R3HDM1: variants seen among roughly 807,000 people sequenced by gnomAD.
R3HDM1 encodes the protein R3H domain containing 1, also known as R3H domain-containing protein 1.
In R3HDM1, 46 loss-of-function variants were observed where a neutral mutation model predicts 141.1. The observed-to-expected ratio is 0.33, with a 90% CI of 0.26 to 0.42. The LOEUF (loss-of-function observed/expected upper bound fraction) is 0.42, where lower values mean the gene tolerates loss of function less well. Among genes scored for constraint, R3HDM1 ranks in the 10% least tolerant of loss-of-function variants. R3HDM1 has a pLI of 1.00. For synonymous variants in R3HDM1, 435 were observed against 472.9 expected (o/e 0.92, Z 1.04); for missense variants, 1,184 against 1,368.3 (o/e 0.87, Z 2.12).
At chr2:135,583,613 C>A in intron 1 of R3HDM1, 1 of 490,362 alleles carries the variant, frequency 2.0e-6, no homozygotes, top group Non-Finnish European at 2.6e-6. Flanking sequence ...TGATTTTCTA[C>A]TTCAAGAGAT....
intron 1 of R3HDM1, among the ~76,000 whole-genome samples, chr2:135,582,147 G>A (rs966178553): frequency 2.0e-5 from 3 of 152,100 alleles, no homozygotes; most frequent in South Asian, 2.1e-4. Flanking sequence ...GGCTAACATG[G>A]TGAAACCCCG....
chr2:135,563,594 C>A (rs1573844564), intron 1 of R3HDM1, among the ~76,000 whole-genome samples: 1 of 152,078 alleles, frequency 6.6e-6, no homozygotes, highest in East Asian at 1.9e-4. Flanking sequence ...ATAATGATAG[C>A]CATTACTATT....
chr2:135,548,784 A>G (rs1699261242), intron 1 of R3HDM1, among the ~76,000 whole-genome samples: 1 of 152,224 alleles, frequency 6.6e-6, no homozygotes, highest in African/African-American at 2.4e-5. Flanking sequence ...TATTATATAA[A>G]TACACAGTTA....
Position 135,636,202 on chromosome 2 carries a change from A to G in R3HDM1, c.903+19A>G, listed in dbSNP as rs1433275436. Reference sequence around the variant, plus strand: ...CCAAGATGTACGTACTAACTTACTTAGGTCTTCATGTTAGAGTATATTCTA... The same window carrying G: ...CCAAGATGTACGTACTAACTTACTTGGGTCTTCATGTTAGAGTATATTCTA... On this transcript the variant is annotated intron_variant, in intron 11 of 26. Transcript: ENST00000683871. The G allele has an allele frequency of 6.2e-7, 1 of 1,607,760 alleles. No homozygotes were observed.
At chr2:135,679,472 T>G (rs2069844034) in intron 20 of R3HDM1, among the ~76,000 whole-genome samples, 1 of 152,168 alleles carries the variant, frequency 6.6e-6, no homozygotes, top group South Asian at 2.1e-4. Flanking sequence ...TGATATCACA[T>G]GTAGGTATTT....
Position 135,613,772 on chromosome 2 carries a change from C to T in R3HDM1, c.172-2380C>T, listed in dbSNP as rs1054031387. Among the ~76,000 whole-genome samples, 4 of 152,156 alleles carry T rather than the reference C, an allele frequency of 2.6e-5. No individual in the cohort carries two copies. The East Asian group carries it at 5.8e-4, about 22-fold the overall frequency. On this transcript the variant is annotated intron_variant, in intron 3 of 26. Coordinates refer to ENST00000683871, the MANE Select transcript of R3HDM1 (RefSeq NM_001378107.1). ...CGGAAGTTGCAGTGATCCAATATCA[C>T]GCCACTGCACTCCAGCCTGGGCGAC...
chr2:135,670,269 A>C (rs1174376853), intron 19 of R3HDM1: 1 of 960,624 alleles, frequency 1.0e-6, no homozygotes, highest in East Asian at 1.1e-4. Flanking sequence ...TTAAGTGAAA[A>C]GACAGGGATT....
chr2:135,619,865 A>T (rs183695102), intron 5 of R3HDM1: 303 of 268,298 alleles, frequency 1.1e-3, no homozygotes, highest in African/African-American at 6.3e-3. Context: ...TGACCTCAAT[A>T]ACAGATGTTA....
At chr2:135,661,127 T>C in intron 18 of R3HDM1, 143 bp from the exon 19 acceptor site, 2 of 1,078,760 alleles carry the variant, frequency 1.9e-6, no homozygotes, top group Non-Finnish European at 2.6e-6. Context: ...TTTTTTTAAA[T>C]TTCAGTTAAA....
intron 1 of R3HDM1, among the ~76,000 whole-genome samples, chr2:135,570,397 A>C (rs1703841313): frequency 6.6e-6 from 1 of 152,238 alleles, no homozygotes; most frequent in Non-Finnish European, 1.5e-5. Flanking sequence ...TGTACTTGCA[A>C]ACAAAAAATC....
chr2:135,705,723 A>G (rs2105424161), intron 21 of R3HDM1, among the ~76,000 whole-genome samples: 1 of 152,312 alleles, frequency 6.6e-6, no homozygotes, highest in East Asian at 1.9e-4. Context: ...TTTTTTTATC[A>G]TGGCTTCAAT....
intron 7 of R3HDM1, chr2:135,623,050 C>T (rs757146678): frequency 4.1e-6 from 4 of 977,654 alleles, no homozygotes; most frequent in Non-Finnish European, 4.9e-6. Flanking sequence ...CACCATAGTG[C>T]ACTCAACCAA....
At chr2:135,694,761 G>A (rs1008384523) in intron 21 of R3HDM1, among the ~76,000 whole-genome samples, 4 of 152,166 alleles carry the variant, frequency 2.6e-5, no homozygotes, top group African/African-American at 9.7e-5. Flanking sequence ...CTGAAGAGAA[G>A]AGAGCTCTAG....
intron 21 of R3HDM1, among the ~76,000 whole-genome samples, chr2:135,699,012 TAGATAGATAGATAGATAGATAGATAGATA>T (rs2073740151): frequency 8.7e-6 from 1 of 115,166 alleles, no homozygotes; most frequent in Admixed American, 8.2e-5. Context: ...GATAGATAGA[TAGATAGATAGATAGATAGATAGATAGATA>T]GATAAGATAG....
intron 21 of R3HDM1, among the ~76,000 whole-genome samples, chr2:135,705,905 G>A (rs947138543): frequency 1.6e-4 from 24 of 152,046 alleles, no homozygotes; most frequent in African/African-American, 5.1e-4. Context: ...CAAGGCTGGC[G>A]GATCACGAGG....
intron 1 of R3HDM1, among the ~76,000 whole-genome samples, chr2:135,573,278 G>C (rs1227486528): frequency 6.6e-6 from 1 of 151,930 alleles, no homozygotes; most frequent in Admixed American, 6.6e-5. Flanking sequence ...GAATAAGAAG[G>C]ACAAAAATCT....
intron 1 of R3HDM1, among the ~76,000 whole-genome samples, chr2:135,554,029 G>A (rs868304467): frequency 5.3e-5 from 8 of 152,138 alleles, no homozygotes; most frequent in South Asian, 4.1e-4. Flanking sequence ...GATATAATTC[G>A]TGTACTGTAA....
intron 3 of R3HDM1, among the ~76,000 whole-genome samples, chr2:135,610,656 CAAATTCCCTCATTTGCTTGG>C (rs1402836797): frequency 6.6e-6 from 1 of 152,160 alleles, no homozygotes; most frequent in Non-Finnish European, 1.5e-5. Flanking sequence ...CAGTACATAA[CAAATTCCCTCATTTGCTTGG>C]AAAGTATTGA....
intron 5 of R3HDM1, among the ~76,000 whole-genome samples, chr2:135,620,857 TG>T (rs1000909445): frequency 3.3e-5 from 5 of 152,100 alleles, no homozygotes; most frequent in African/African-American, 4.8e-5. Context: ...TTACAGAATG[TG>T]GTTACTTTAC....
Sources: gnomAD v4.1 joint callset for allele counts (sites outside exome capture counted in the v4.1 genomes callset) on GRCh38, gnomAD v4.1.1 for gene constraint, MANE v1.5 for transcripts, NCBI Gene and HGNC (gene_info 2026-07-23, HGNC 2026-07-21) for gene names.